ENTREP2: variants seen among roughly 807,000 people sequenced by gnomAD.
The protein encoded by ENTREP2 is protein ENTREP2.
chr15:29,136,786 T>C, the ENTREP2 span, among the ~76,000 whole-genome samples: 1 of 151,956 alleles, frequency 6.6e-6, no homozygotes, highest in Non-Finnish European at 1.5e-5. Flanking sequence ...GTTACACAAA[T>C]GACTGCAACG....
At chr15:29,170,434 T>C in the ENTREP2 span, among the ~76,000 whole-genome samples, 1 of 149,866 alleles carries the variant, frequency 6.7e-6, no homozygotes, top group East Asian at 2.0e-4. Context: ...AGAATAAATA[T>C]AGAAAAAGGT....
chr15:29,601,040 G>C, the ENTREP2 span, among the ~76,000 whole-genome samples: 1 of 151,138 alleles, frequency 6.6e-6, no homozygotes, highest in Non-Finnish European at 1.5e-5. Flanking sequence ...TGGGATTACA[G>C]GTGCCCGCCA....
the ENTREP2 span, among the ~76,000 whole-genome samples, chr15:29,161,444 C>T: frequency 2.0e-5 from 3 of 152,160 alleles, no homozygotes; most frequent in Non-Finnish European, 4.4e-5. Context: ...TAATAAAGTC[C>T]CTTGTCTCTG....
At chr15:29,136,405 A>AG in the ENTREP2 span, 1 of 1,530,858 alleles carries the variant, frequency 6.5e-7, no homozygotes, top group Non-Finnish European at 8.8e-7. Context: ...CCTCGTACGG[A>AG]GGGGGGAGCT....
At chr15:29,490,376 A>G in the ENTREP2 span, among the ~76,000 whole-genome samples, 2 of 152,184 alleles carry the variant, frequency 1.3e-5, no homozygotes, top group Non-Finnish European at 2.9e-5. Context: ...CGAAAGAACA[A>G]AACCTCCACA....
chr15:29,324,119 A>G, the ENTREP2 span, among the ~76,000 whole-genome samples: 1 of 151,162 alleles, frequency 6.6e-6, no homozygotes, highest in African/African-American at 2.4e-5. Flanking sequence ...TTTTTTTTTT[A>G]ATACAGGGTC....
At chr15:29,124,572 T>G in the ENTREP2 span, 1 of 819,478 alleles carries the variant, frequency 1.2e-6, no homozygotes, top group Non-Finnish European at 1.9e-6. Context: ...CAGCCCCCAT[T>G]CCCGGGGGTG....
At chr15:29,371,399 CCAA>C in the ENTREP2 span, among the ~76,000 whole-genome samples, 3 of 143,646 alleles carry the variant, frequency 2.1e-5, no homozygotes, top group Admixed American at 6.9e-5. Flanking sequence ...ACCAACTAAT[CCAA>C]CAACACCAAC....
chr15:29,651,178 A>G, the ENTREP2 span, among the ~76,000 whole-genome samples: 2 of 152,218 alleles, frequency 1.3e-5, no homozygotes, highest in Non-Finnish European at 2.9e-5. Context: ...GGTAAGTTTT[A>G]CCACTCGTAA....
chr15:29,664,560 G>A, the ENTREP2 span, among the ~76,000 whole-genome samples: 1 of 152,006 alleles, frequency 6.6e-6, no homozygotes, highest in African/African-American at 2.4e-5. Flanking sequence ...TGTGGGTATG[G>A]CCTGGGTGCT....
At chr15:29,317,830 G>A in the ENTREP2 span, among the ~76,000 whole-genome samples, 1 of 152,152 alleles carries the variant, frequency 6.6e-6, no homozygotes, top group South Asian at 2.1e-4. Flanking sequence ...GTGGGATGAA[G>A]AGAAGAATTC....
chr15:29,453,355 C>T, the ENTREP2 span, among the ~76,000 whole-genome samples: 1 of 152,232 alleles, frequency 6.6e-6, no homozygotes, highest in Admixed American at 6.5e-5. Context: ...AAGCAGTGTA[C>T]TAACCCAGGG....
At chr15:29,344,520 G>GCTATGCAC in the ENTREP2 span, among the ~76,000 whole-genome samples, 1 of 152,118 alleles carries the variant, frequency 6.6e-6, no homozygotes, top group Non-Finnish European at 1.5e-5. Flanking sequence ...GCAGCACCCT[G>GCTATGCAC]CTATGCACCT....
the ENTREP2 span, among the ~76,000 whole-genome samples, chr15:29,449,602 G>T: frequency 6.6e-6 from 1 of 152,192 alleles, no homozygotes; most frequent in Admixed American, 6.5e-5. Context: ...CTGAAGCACA[G>T]AAGAATAAGC....
At chr15:29,666,219 G>A in the ENTREP2 span, among the ~76,000 whole-genome samples, 1 of 152,014 alleles carries the variant, frequency 6.6e-6, no homozygotes, top group Non-Finnish European at 1.5e-5. Context: ...GCGTTTCAAA[G>A]GTAACATGCC....
At chr15:29,273,141 A>C in the ENTREP2 span, among the ~76,000 whole-genome samples, 3 of 149,834 alleles carry the variant, frequency 2.0e-5, no homozygotes, top group Admixed American at 2.0e-4. Context: ...AGGGCTTAAG[A>C]TTTCATTTTT....
At chr15:29,277,069 C>T in the ENTREP2 span, among the ~76,000 whole-genome samples, 3 of 152,176 alleles carry the variant, frequency 2.0e-5, no homozygotes. Context: ...ATGGGCCAGG[C>T]ACAGTGGCTC....
chr15:29,122,117 G>C, the ENTREP2 span: 1 of 152,276 alleles, frequency 6.6e-6, no homozygotes, highest in African/African-American at 2.4e-5. Context: ...ACCCAACGCA[G>C]CTCAGGGGCT....
At chr15:29,601,875 C>T in the ENTREP2 span, among the ~76,000 whole-genome samples, 1 of 152,078 alleles carries the variant, frequency 6.6e-6, no homozygotes, top group Non-Finnish European at 1.5e-5. Context: ...GAACTTGCTG[C>T]GATTGGTCAC....
Sources: allele counts gnomAD v4.1 joint callset (sites outside exome capture counted in the v4.1 genomes callset), GRCh38; gene constraint gnomAD v4.1.1; transcripts MANE v1.5; gene names NCBI Gene and HGNC (gene_info 2026-07-23, HGNC 2026-07-21).